RYR2: variants seen among roughly 807,000 people sequenced by gnomAD.
RYR2 encodes the protein cardiac muscle ryanodine receptor-calcium release channel.
Under a neutral mutation model 601.1 loss-of-function variants are expected in RYR2, and 227 were observed. The ratio of observed to expected loss-of-function variants is 0.38; its 90% CI spans 0.34 to 0.42. RYR2 has a LOEUF of 0.42. Ranked by LOEUF, RYR2 falls within the 10% of genes least tolerant of loss-of-function variation. The pLI is 1.00. For synonymous variants in RYR2, 2,223 were observed against 2,175.1 expected, an observed-to-expected ratio of 1.02 and a Z score of -0.61; for missense variants, 4,646 against 6,156.5, an observed-to-expected ratio of 0.75 and a Z score of 8.21.
chr1:237,280,745 G>A (rs1439709304), intron 2 of RYR2, among the ~76,000 whole-genome samples: 1 of 151,138 alleles, frequency 6.6e-6, no homozygotes, highest in Non-Finnish European at 1.5e-5. Flanking sequence ...GTTAAATTGT[G>A]ATTCATAAGT....
chr1:237,065,049 T>C (rs1663393830), intron 1 of RYR2, among the ~76,000 whole-genome samples: 2 of 152,092 alleles, frequency 1.3e-5, no homozygotes, highest in South Asian at 4.1e-4. Context: ...ACTTTTTAGG[T>C]TGAAATAATG....
At chr1:237,803,506 T>C (rs146924414) in intron 98 of RYR2, among the ~76,000 whole-genome samples, 6,272 of 152,190 alleles carry the variant, frequency 0.041, 161 homozygotes, top group Non-Finnish European at 0.06. Context: ...TTCACCATGT[T>C]AGCCAGGATG....
At chr1:237,669,013 G>A (rs1394090685) in intron 58 of RYR2, among the ~76,000 whole-genome samples, 1 of 151,628 alleles carries the variant, frequency 6.6e-6, no homozygotes, top group Non-Finnish European at 1.5e-5. Context: ...CCTAGGCAGA[G>A]GACCCTGCGG....
intron 56 of RYR2, among the ~76,000 whole-genome samples, chr1:237,662,393 G>A (rs1017628595): frequency 6.6e-6 from 1 of 151,902 alleles, no homozygotes; most frequent in Non-Finnish European, 1.5e-5. Flanking sequence ...ATAAAATAGT[G>A]TTAGATAAGG....
chr1:237,327,482 A>AG (rs2149551465), intron 2 of RYR2, among the ~76,000 whole-genome samples: 1 of 152,344 alleles, frequency 6.6e-6, no homozygotes, highest in South Asian at 2.1e-4. Context: ...ATCTAAGCAA[A>AG]GGCATGAAAC....
At chr1:237,154,344 G>A (rs1675072748) in intron 1 of RYR2, among the ~76,000 whole-genome samples, 1 of 152,180 alleles carries the variant, frequency 6.6e-6, no homozygotes, top group Non-Finnish European at 1.5e-5. Context: ...GCTGTGAGCC[G>A]AGTGCTTTGG....
chr1:237,554,072 T>G (rs974115764), intron 27 of RYR2, among the ~76,000 whole-genome samples: 72 of 151,928 alleles, frequency 4.7e-4, no homozygotes, highest in Non-Finnish European at 8.7e-4. Context: ...GAGAGTTTAT[T>G]CTGCCTTATA....
chr1:237,767,484 A>G (rs1315145847), intron 84 of RYR2, among the ~76,000 whole-genome samples: 1 of 152,166 alleles, frequency 6.6e-6, no homozygotes, highest in Non-Finnish European at 1.5e-5. Flanking sequence ...CATACTCTTT[A>G]CCAGTCGATA....
chr1:237,265,835 A>C (rs530129890), intron 1 of RYR2, among the ~76,000 whole-genome samples: 2 of 152,298 alleles, frequency 1.3e-5, no homozygotes, highest in African/African-American at 4.8e-5. Context: ...AAATTGATGG[A>C]TTGGAAAAGT....
intron 1 of RYR2, among the ~76,000 whole-genome samples, chr1:237,097,565 A>G (rs1277694809): frequency 6.6e-6 from 1 of 152,220 alleles, no homozygotes; most frequent in Non-Finnish European, 1.5e-5. Flanking sequence ...TTTCTCAGGC[A>G]TCCTCATGAC....
chr1:237,185,425 A>G (rs1456468520), intron 1 of RYR2, among the ~76,000 whole-genome samples: 1 of 152,198 alleles, frequency 6.6e-6, no homozygotes, highest in Non-Finnish European at 1.5e-5. Flanking sequence ...TGTGCTCCAT[A>G]TATCTAAAAC....
chr1:237,817,449 G>T (rs901824531), intron 100 of RYR2, among the ~76,000 whole-genome samples: 1 of 152,132 alleles, frequency 6.6e-6, no homozygotes, highest in Non-Finnish European at 1.5e-5. Context: ...CCATGTGCTG[G>T]ACGTTATTTT....
intron 80 of RYR2, among the ~76,000 whole-genome samples, chr1:237,750,760 T>A (rs1692475214): frequency 6.6e-6 from 1 of 152,130 alleles, no homozygotes; most frequent in Admixed American, 6.5e-5. Context: ...TAGAGTCCAG[T>A]TGTGCAGATG....
At chr1:237,217,645 G>C (rs1683337256) in intron 1 of RYR2, among the ~76,000 whole-genome samples, 2 of 152,180 alleles carry the variant, frequency 1.3e-5, no homozygotes, top group Non-Finnish European at 2.9e-5. Context: ...AGCGGTGGTG[G>C]TGATAATACG....
chr1:237,089,897 T>G (rs1473096925), intron 1 of RYR2, among the ~76,000 whole-genome samples: 1 of 152,192 alleles, frequency 6.6e-6, no homozygotes, highest in Non-Finnish European at 1.5e-5. Context: ...ATTAGTCCGT[T>G]CTCATGCTGC....
chr1:237,623,383 CT>C (rs1164153613), intron 38 of RYR2, among the ~76,000 whole-genome samples: 173 of 108,860 alleles, frequency 1.6e-3, no homozygotes, highest in African/African-American at 5.4e-3. Flanking sequence ...TTCTTTCTTT[CT>C]TTTTTTTTTT....
At chr1:237,435,605 C>T (rs961060955) in intron 12 of RYR2, among the ~76,000 whole-genome samples, 9 of 152,086 alleles carry the variant, frequency 5.9e-5, no homozygotes, top group African/African-American at 2.2e-4. Context: ...TAGTTGTATG[C>T]TGGTCTTTTT....
intron 2 of RYR2, among the ~76,000 whole-genome samples, chr1:237,316,890 C>T (rs1001033203): frequency 3.3e-5 from 5 of 152,040 alleles, no homozygotes; most frequent in African/African-American, 1.2e-4. Flanking sequence ...CCTGGATGAC[C>T]AACAACCACA....
At chr1:237,330,597 A>T (rs1232339254) in intron 2 of RYR2, among the ~76,000 whole-genome samples, 1 of 152,238 alleles carries the variant, frequency 6.6e-6, no homozygotes, top group Non-Finnish European at 1.5e-5. Flanking sequence ...TATGTTGGCC[A>T]GGCTGAACTC....
Sources: gnomAD v4.1 joint callset for allele counts (sites outside exome capture counted in the v4.1 genomes callset) on GRCh38, gnomAD v4.1.1 for gene constraint, MANE v1.5 for transcripts, NCBI Gene and HGNC (gene_info 2026-07-23, HGNC 2026-07-21) for gene names.